Variants in ACTR3C observed in about 807,000 individuals in gnomAD.
ACTR3C encodes actin-related protein 3C.
A neutral mutation model predicts 26.3 loss-of-function variants in ACTR3C; 18 were observed. That is an observed-to-expected ratio of 0.68 (90% CI 0.47 to 1.01). The LOEUF (loss-of-function observed/expected upper bound fraction) is 1.01, where lower values mean the gene tolerates loss of function less well. Among genes scored for constraint, ACTR3C ranks in the 50% least tolerant of loss-of-function variants. The pLI, the probability that ACTR3C is intolerant of heterozygous loss-of-function variation, is 0.00. For synonymous variants in ACTR3C, 55 were observed against 94.5 expected, an observed-to-expected ratio of 0.58 and a Z score of 2.42; for missense variants, 184 against 250.7, an observed-to-expected ratio of 0.73 and a Z score of 1.80.
chr7:150,259,611 T>C (rs1396404233), intron 6 of ACTR3C, among the ~76,000 whole-genome samples: 2 of 152,200 alleles, frequency 1.3e-5, no homozygotes, highest in African/African-American at 2.4e-5. Context: ...ACCGATTTCA[T>C]GGTCTGGATG....
chr7:150,176,284 T>C, the ACTR3C span, among the ~76,000 whole-genome samples: 24,324 of 150,400 alleles, frequency 0.16, 4,317 homozygotes, highest in African/African-American at 0.39. Context: ...CTTTTTTTAT[T>C]TCCTTGGGTC....
At chr7:149,941,289 G>A in the ACTR3C span, among the ~76,000 whole-genome samples, 36 of 152,288 alleles carry the variant, frequency 2.4e-4, no homozygotes, top group East Asian at 4.1e-3. Flanking sequence ...CAGTTTCTAC[G>A]TAGGAACTGT....
the ACTR3C span, among the ~76,000 whole-genome samples, chr7:149,924,104 G>A: frequency 3.3e-5 from 5 of 151,298 alleles, no homozygotes; most frequent in Non-Finnish European, 7.4e-5. Context: ...AGCCAGGCAC[G>A]GTGGCTCATG....
chr7:150,040,866 A>T, the ACTR3C span, among the ~76,000 whole-genome samples: 1 of 148,538 alleles, frequency 6.7e-6, no homozygotes, highest in East Asian at 2.0e-4. Context: ...CTGGCTCTCA[A>T]CCACCACGAA....
At chr7:149,943,180 G>A in the ACTR3C span, among the ~76,000 whole-genome samples, 14,462 of 122,728 alleles carry the variant, frequency 0.12, 1,638 homozygotes, top group African/African-American at 0.32. Flanking sequence ...TATTGCTTCA[G>A]GTAAAAGGAG....
chr7:150,031,955 G>C, the ACTR3C span, among the ~76,000 whole-genome samples: 59 of 152,314 alleles, frequency 3.9e-4, no homozygotes, highest in African/African-American at 1.3e-3. Flanking sequence ...CCAGTGATGG[G>C]AGGTGTCCCT....
the ACTR3C span, among the ~76,000 whole-genome samples, chr7:149,931,612 A>G: frequency 6.6e-6 from 1 of 152,332 alleles, no homozygotes; most frequent in African/African-American, 2.4e-5. Flanking sequence ...TGACAAATCT[A>G]AAATAGAGAA....
chr7:149,953,760 T>G, the ACTR3C span, among the ~76,000 whole-genome samples: 1 of 150,450 alleles, frequency 6.6e-6, no homozygotes, highest in Admixed American at 6.7e-5. Context: ...TTGAATAACC[T>G]GTAATCCTAA....
chr7:149,895,573 G>A, the ACTR3C span, among the ~76,000 whole-genome samples: 1 of 152,166 alleles, frequency 6.6e-6, no homozygotes, highest in Non-Finnish European at 1.5e-5. Context: ...CATGGCTCAT[G>A]CATGTAATCC....
At chr7:150,054,141 A>G in the ACTR3C span, among the ~76,000 whole-genome samples, 1 of 152,228 alleles carries the variant, frequency 6.6e-6, no homozygotes, top group Non-Finnish European at 1.5e-5. Context: ...TTCTTTCAAG[A>G]GCATAATATA....
the ACTR3C span, among the ~76,000 whole-genome samples, chr7:150,035,210 C>T: frequency 8.3e-6 from 1 of 120,414 alleles, no homozygotes; most frequent in Non-Finnish European, 1.8e-5. Flanking sequence ...ACGGGGGGTG[C>T]CTCCCACCTC....
At chr7:150,126,522 A>G in the ACTR3C span, among the ~76,000 whole-genome samples, 1 of 152,220 alleles carries the variant, frequency 6.6e-6, no homozygotes, top group African/African-American at 2.4e-5. Flanking sequence ...AGCAAGATGA[A>G]GCATGCTTGC....
the ACTR3C span, among the ~76,000 whole-genome samples, chr7:150,157,388 C>A: frequency 6.7e-6 from 1 of 149,596 alleles, no homozygotes; most frequent in African/African-American, 2.5e-5. Flanking sequence ...GTTCTCACAT[C>A]AATTAACTCA....
the ACTR3C span, among the ~76,000 whole-genome samples, chr7:150,029,226 AC>A: frequency 6.6e-6 from 1 of 151,680 alleles, no homozygotes; most frequent in Non-Finnish European, 1.5e-5. Flanking sequence ...TCCTTCCCCA[AC>A]TAAGCCATCG....
At chr7:150,153,964 A>G in the ACTR3C span, among the ~76,000 whole-genome samples, 1,334 of 150,578 alleles carry the variant, frequency 8.9e-3, 18 homozygotes, top group African/African-American at 0.03. Context: ...TCAGTAAACT[A>G]TCACAAGAAC....
the ACTR3C span, among the ~76,000 whole-genome samples, chr7:150,180,257 A>G: frequency 1.3e-5 from 2 of 149,880 alleles, no homozygotes; most frequent in Middle Eastern, 6.4e-3. Context: ...GTGAGCCGAG[A>G]TCGCGCCACT....
the ACTR3C span, among the ~76,000 whole-genome samples, chr7:150,122,000 T>C: frequency 6.6e-6 from 1 of 152,124 alleles, no homozygotes; most frequent in Non-Finnish European, 1.5e-5. Context: ...ATTTAATAAA[T>C]GGTGTTGGGA....
the ACTR3C span, among the ~76,000 whole-genome samples, chr7:149,934,428 C>A: frequency 6.6e-6 from 1 of 152,130 alleles, no homozygotes; most frequent in African/African-American, 2.4e-5. Context: ...AGAATGGATC[C>A]TGGGAAAACT....
the ACTR3C span, among the ~76,000 whole-genome samples, chr7:150,177,206 T>C: frequency 1.3e-5 from 2 of 150,704 alleles, no homozygotes; most frequent in East Asian, 3.8e-4. Context: ...ATTTTGTAGT[T>C]AACTTATTTT....
Sources: allele counts gnomAD v4.1 joint callset (sites outside exome capture counted in the v4.1 genomes callset), GRCh38; gene constraint gnomAD v4.1.1; transcripts MANE v1.5; gene names NCBI Gene and HGNC (gene_info 2026-07-23, HGNC 2026-07-21).